PCDHA8: variants seen among roughly 807,000 people sequenced by gnomAD.
PCDHA8 encodes protocadherin alpha-8.
Under a neutral mutation model 61.8 loss-of-function variants are expected in PCDHA8, and 53 were observed. The observed-to-expected ratio is 0.86, with a 90% CI of 0.69 to 1.08. The LOEUF is 1.08. PCDHA8 is among the 50% of genes least tolerant of loss of function. The pLI, the probability that PCDHA8 is intolerant of heterozygous loss-of-function variation, is 0.00. For synonymous variants in PCDHA8, 618 were observed against 556.6 expected (o/e 1.11, Z -1.55); for missense variants, 1,293 against 1,245.0 (o/e 1.04, Z -0.58).
intron 1 of PCDHA8, among the ~76,000 whole-genome samples, chr5:140,872,045 C>G (rs1286579116): frequency 6.6e-6 from 1 of 152,208 alleles, no homozygotes; most frequent in East Asian, 1.9e-4. Flanking sequence ...AAGAATTCTC[C>G]CACTTCAGCC....
At position 140,842,917 on chromosome 5, in the gene PCDHA8, G is replaced by A; in HGVS notation, c.1596G>A (p.Gln532=). 6.3e-7 allele frequency: 1 copy of A among 1,594,694 alleles called. No individual in the cohort carries two copies. Among genetic ancestry groups the A allele is most frequent in the Non-Finnish European group, 8.6e-7 (1 of 1,165,498 alleles). Residue 532 remains glutamine, a synonymous_variant, in exon 1 of 4, where the codon CAG becomes CAA. Coordinates refer to ENST00000531613, the MANE Select transcript of PCDHA8 (RefSeq NM_018911.3). Reference sequence around the variant, plus strand: ...ACCACGAGGAGCTAGAGCTGCTGCAGTTCCAGGTGAGCGCGCGCGACGCGG... The same window carrying A: ...ACCACGAGGAGCTAGAGCTGCTGCAATTCCAGGTGAGCGCGCGCGACGCGG... ...PLDHEELELL[Q]FQVSARDAGV...
chr5:140,882,771 T>C (rs148644909), intron 1 of PCDHA8: 19 of 1,614,110 alleles, frequency 1.2e-5, no homozygotes, highest in Non-Finnish European at 1.6e-5. Context: ...AACTCGGCAT[T>C]GACCTACCGA....
At chr5:140,954,618 G>C (rs1312581802) in intron 1 of PCDHA8, among the ~76,000 whole-genome samples, 3 of 152,078 alleles carry the variant, frequency 2.0e-5, no homozygotes, top group Non-Finnish European at 2.9e-5. Flanking sequence ...TAATGGGCTT[G>C]TTTGGGTTTT....
At chr5:140,997,302 G>A (rs1430183310) in intron 3 of PCDHA8, among the ~76,000 whole-genome samples, 2 of 152,154 alleles carry the variant, frequency 1.3e-5, no homozygotes, top group Non-Finnish European at 2.9e-5. Flanking sequence ...GATACACTGA[G>A]AAATGTGTCT....
At chr5:140,932,688 TA>T (rs1214634464) in intron 1 of PCDHA8, among the ~76,000 whole-genome samples, 4 of 151,810 alleles carry the variant, frequency 2.6e-5, no homozygotes, top group African/African-American at 9.7e-5. Flanking sequence ...ATATTCAAAT[TA>T]AAAAACTCAT....
chr5:140,925,762 T>G (rs1172229426), intron 1 of PCDHA8, among the ~76,000 whole-genome samples: 3 of 152,052 alleles, frequency 2.0e-5, no homozygotes, highest in African/African-American at 7.2e-5. Flanking sequence ...ACAGAGTAGT[T>G]TCCTGGTCAA....
At chr5:140,965,291 C>T (rs1227369041) in intron 1 of PCDHA8, among the ~76,000 whole-genome samples, 1 of 152,154 alleles carries the variant, frequency 6.6e-6, no homozygotes, top group Non-Finnish European at 1.5e-5. Context: ...GGAAAGATTT[C>T]CTCTGATCCT....
intron 1 of PCDHA8, chr5:140,883,919 C>T (rs1554180590): frequency 1.2e-6 from 2 of 1,613,316 alleles, no homozygotes; most frequent in Non-Finnish European, 8.5e-7. Flanking sequence ...CAACGTGACG[C>T]TGCAGGTGTT....
intron 3 of PCDHA8, among the ~76,000 whole-genome samples, chr5:141,002,939 A>G (rs2098103546): frequency 6.6e-6 from 1 of 152,238 alleles, no homozygotes; most frequent in Admixed American, 6.5e-5. Context: ...AACACCCTCC[A>G]GCACATGCCC....
Position 140,847,575 on chromosome 5 carries a change from A to C in PCDHA8, c.2394+3860A>C, listed in dbSNP as rs187622781. On this transcript the variant is annotated intron_variant, in intron 1 of 3. Coordinates refer to ENST00000531613, the MANE Select transcript of PCDHA8 (RefSeq NM_018911.3). The stretch of plus-strand genomic sequence containing the variant: ...ACAGAAATTGCCCCGAGTACTAAGG[A>C]TGAGCAATAATGAAATTAAAACATA... 1.3e-4 allele frequency: 19 copies of C among 149,686 alleles called. 1 individual carries two copies. In the East Asian group the frequency reaches 3.7e-3, roughly 29 times the overall value. 9.3% of individuals were successfully genotyped at this position (149,686 alleles called of 1,614,324 possible). A position where few individuals can be genotyped will look rare whatever the true frequency, so the allele number is the denominator to read the frequency against.
intron 2 of PCDHA8, among the ~76,000 whole-genome samples, chr5:140,981,825 T>G (rs941645731): frequency 2.0e-5 from 3 of 152,184 alleles, no homozygotes; most frequent in African/African-American, 7.2e-5. Context: ...TCTGCTTGCC[T>G]CTAAAGGTCT....
intron 1 of PCDHA8, among the ~76,000 whole-genome samples, chr5:140,930,604 G>C (rs2086982661): frequency 6.6e-6 from 1 of 152,108 alleles, no homozygotes; most frequent in South Asian, 2.1e-4. Flanking sequence ...AGAAATCCTA[G>C]ATGCAAGAGA....
intron 1 of PCDHA8, among the ~76,000 whole-genome samples, chr5:140,923,066 C>G (rs1050883797): frequency 6.6e-6 from 1 of 152,198 alleles, no homozygotes; most frequent in African/African-American, 2.4e-5. Flanking sequence ...AGAGCTAGGT[C>G]TCCTCATGTC....
At chr5:140,959,602 C>CTT (rs1554224184) in intron 1 of PCDHA8, among the ~76,000 whole-genome samples, 1 of 152,008 alleles carries the variant, frequency 6.6e-6, no homozygotes, top group African/African-American at 2.4e-5. Context: ...GTATAACATG[C>CTT]TTTTCTTGCT....
At chr5:140,865,948 A>T (rs1324483727) in intron 1 of PCDHA8, 1 of 152,186 alleles carries the variant, frequency 6.6e-6, no homozygotes, top group African/African-American at 2.4e-5. Flanking sequence ...GATTGTCTTC[A>T]TCATTAATTT....
chr5:140,856,808 C>T, intron 1 of PCDHA8: 1 of 1,594,492 alleles, frequency 6.3e-7, no homozygotes, highest in Non-Finnish European at 8.6e-7. Context: ...GTATGAAAAT[C>T]AAGTGAACCA....
intron 1 of PCDHA8, chr5:140,928,687 C>A (rs782599747): frequency 6.2e-7 from 1 of 1,614,142 alleles, no homozygotes. Context: ...GCTTTCCTAC[C>A]ACATCTCCCG....
At chr5:140,927,172 G>A (rs782548172) in intron 1 of PCDHA8, 7 of 1,614,034 alleles carry the variant, frequency 4.3e-6, no homozygotes, top group East Asian at 4.5e-5. Context: ...AGCTGCCTGC[G>A]TCTTGACCTA....
At chr5:140,951,487 G>A (rs1563250651) in intron 1 of PCDHA8, among the ~76,000 whole-genome samples, 1 of 151,938 alleles carries the variant, frequency 6.6e-6, no homozygotes, top group Non-Finnish European at 1.5e-5. Flanking sequence ...CAAGAATCAT[G>A]GTGGAAGGCA....
Sources: gnomAD v4.1 joint callset for allele counts (sites outside exome capture counted in the v4.1 genomes callset) on GRCh38, gnomAD v4.1.1 for gene constraint, MANE v1.5 for transcripts, NCBI Gene and HGNC (gene_info 2026-07-23, HGNC 2026-07-21) for gene names.